Variants in CRYM observed in about 807,000 individuals in gnomAD.
CRYM encodes ketimine reductase mu-crystallin.
Under a neutral mutation model 32.9 loss-of-function variants are expected in CRYM, and 18 were observed. The observed-to-expected ratio is 0.55, with a 90% CI of 0.38 to 0.81. CRYM has a LOEUF of 0.81. Ranked by LOEUF, CRYM falls within the 30% of genes least tolerant of loss-of-function variation. CRYM has a pLI of 0.00. For synonymous variants in CRYM, 153 were observed against 152.4 expected (o/e 1.00, Z -0.03); for missense variants, 337 against 393.5 (o/e 0.86, Z 1.21).
At chr16:21,292,829 T>C (rs769059459) in intron 1 of CRYM, among the ~76,000 whole-genome samples, 1 of 152,234 alleles carries the variant, frequency 6.6e-6, no homozygotes, top group East Asian at 1.9e-4. Flanking sequence ...AGAACTTTAT[T>C]ATCCCAAACT....
chr16:21,302,161 G>T (rs1960962901), intron 1 of CRYM, among the ~76,000 whole-genome samples: 1 of 152,232 alleles, frequency 6.6e-6, no homozygotes, highest in Non-Finnish European at 1.5e-5. Flanking sequence ...GTGCTTGAAC[G>T]CACTGACTTT....
At chr16:21,288,711 A>G in intron 1 of CRYM, among the ~76,000 whole-genome samples, 1 of 152,072 alleles carries the variant, frequency 6.6e-6, no homozygotes, top group East Asian at 1.9e-4. Flanking sequence ...TAGATTATTT[A>G]TTTGAAATAG....
intron 1 of CRYM, among the ~76,000 whole-genome samples, chr16:21,289,747 C>T (rs1260596546): frequency 6.6e-6 from 1 of 151,938 alleles, no homozygotes; most frequent in East Asian, 2.0e-4. Flanking sequence ...GCTTTTATTC[C>T]CTTATTTGGC....
At chr16:21,266,146 C>A (rs571974489) in intron 5 of CRYM, among the ~76,000 whole-genome samples, 1 of 152,110 alleles carries the variant, frequency 6.6e-6, no homozygotes, top group Non-Finnish European at 1.5e-5. Context: ...AGTCACTTAA[C>A]ATGGGAGGTG....
chr16:21,268,011 C>T (rs1473800035), intron 4 of CRYM, among the ~76,000 whole-genome samples: 1 of 152,226 alleles, frequency 6.6e-6, no homozygotes, highest in Non-Finnish European at 1.5e-5. Flanking sequence ...CCAAGAGGCA[C>T]AGCCTCAGTA....
chr16:21,295,406 C>G (rs532976812), intron 1 of CRYM, among the ~76,000 whole-genome samples: 1 of 152,252 alleles, frequency 6.6e-6, no homozygotes, highest in East Asian at 1.9e-4. Flanking sequence ...TTTTGATTTG[C>G]ATTTCTCTAA....
upstream of CRYM, among the ~76,000 whole-genome samples, chr16:21,280,715 CCA>C (rs2093396599): frequency 2.6e-5 from 4 of 152,222 alleles, 1 homozygote; most frequent in South Asian, 8.3e-4. Context: ...GTTCTAACTG[CCA>C]CAGAGTTTTT....
chr16:21,277,284 A>G lies in CRYM; in HGVS notation c.324+147T>C, dbSNP rs764499180. 6.0e-6 allele frequency: 5 copies of G among 838,798 alleles called. No homozygotes were observed. The highest frequency in any genetic ancestry group is 2.7e-5 in the East Asian group (1 of 37,520). 52.0% of individuals were successfully genotyped at this position (838,798 alleles called of 1,614,324 possible). ...CCTAGAAATAGATACATGGACACAG[A>G]TAACCTTCACTGTTGCTGGTATCCA... On this transcript the variant is annotated intron_variant, in intron 2 of 7. Transcript: ENST00000572914. This position sits in a 1 kb window ranked among gnomAD's most constrained non-coding sequence, Gnocchi z 4.2.
chr16:21,265,058 GA>G (rs985091010), intron 5 of CRYM, among the ~76,000 whole-genome samples: 4 of 150,904 alleles, frequency 2.7e-5, no homozygotes, highest in Non-Finnish European at 4.4e-5. Flanking sequence ...GTTTTAAGCT[GA>G]AAAAAAAATC....
chr16:21,279,662 C>T (rs1043682509), upstream of CRYM, among the ~76,000 whole-genome samples: 1 of 152,170 alleles, frequency 6.6e-6, no homozygotes, highest in Non-Finnish European at 1.5e-5. Context: ...AAGGATGGAA[C>T]AGATGAGCGA....
At chr16:21,286,876 G>A (rs1169155462) in intron 1 of CRYM, among the ~76,000 whole-genome samples, 1 of 152,054 alleles carries the variant, frequency 6.6e-6, no homozygotes, top group African/African-American at 2.4e-5. Context: ...GGATCATGAG[G>A]TCAGGAGATG....
At chr16:21,270,931 T>C (rs1191045470) in intron 3 of CRYM, among the ~76,000 whole-genome samples, 2 of 152,202 alleles carry the variant, frequency 1.3e-5, no homozygotes, top group Non-Finnish European at 2.9e-5. Flanking sequence ...CTTTCTGACC[T>C]CCTTGATAGA....
At chr16:21,273,713 T>C (rs1287775118) in intron 3 of CRYM, among the ~76,000 whole-genome samples, 1 of 152,200 alleles carries the variant, frequency 6.6e-6, no homozygotes, top group Non-Finnish European at 1.5e-5. Flanking sequence ...TTCTATTCTT[T>C]TATGCGTAAA....
intron 3 of CRYM, among the ~76,000 whole-genome samples, chr16:21,272,182 A>G (rs2093376973): frequency 6.6e-6 from 1 of 152,126 alleles, no homozygotes; most frequent in African/African-American, 2.4e-5. Flanking sequence ...TCATATGTTT[A>G]TAAGATTTAT....
intron 4 of CRYM, among the ~76,000 whole-genome samples, chr16:21,268,145 T>A (rs1163009892): frequency 6.6e-6 from 1 of 152,234 alleles, no homozygotes; most frequent in African/African-American, 2.4e-5. Flanking sequence ...TCAGCCTTAG[T>A]TTCCACATCT....
chr16:21,289,004 C>T (rs774462798), intron 1 of CRYM, among the ~76,000 whole-genome samples: 30 of 151,912 alleles, frequency 2.0e-4, no homozygotes, highest in Non-Finnish European at 3.8e-4. Flanking sequence ...GTTTTGTGGC[C>T]TAATTAATGG....
At chr16:21,260,935 C>A in intron 7 of CRYM, 1 of 425,134 alleles carries the variant, frequency 2.4e-6, no homozygotes, top group South Asian at 2.1e-5. Context: ...AAGATCTGCA[C>A]CGAACTGATT....
intron 4 of CRYM, among the ~76,000 whole-genome samples, chr16:21,268,045 T>C (rs2093367728): frequency 6.6e-6 from 1 of 152,236 alleles, no homozygotes. Context: ...TATATATTAA[T>C]AGCATAATGA....
At chr16:21,274,447 TTA>T (rs1447471085) in intron 3 of CRYM, among the ~76,000 whole-genome samples, 5 of 152,192 alleles carry the variant, frequency 3.3e-5, no homozygotes, top group Non-Finnish European at 5.9e-5. Flanking sequence ...ACCTAACATG[TTA>T]TGTGGCTTTT....
Sources: allele counts gnomAD v4.1 joint callset (sites outside exome capture counted in the v4.1 genomes callset), GRCh38; gene constraint gnomAD v4.1.1; non-coding constraint Gnocchi (gnomAD v3.1); transcripts MANE v1.5; gene names NCBI Gene and HGNC (gene_info 2026-07-23, HGNC 2026-07-21).